Variants in ADAMTS6 observed in about 807,000 individuals in gnomAD.
ADAMTS6 encodes the protein ADAM metallopeptidase with thrombospondin type 1 motif 6, also known as A disintegrin and metalloproteinase with thrombospondin motifs 6.
Under a neutral mutation model 144.3 loss-of-function variants are expected in ADAMTS6, and 23 were observed. The observed-to-expected ratio is 0.16, with a 90% CI of 0.11 to 0.23. ADAMTS6 has a LOEUF of 0.23. Among genes scored for constraint, ADAMTS6 ranks in the 10% least tolerant of loss-of-function variants. The pLI is 1.00. For missense variants in ADAMTS6, 999 were observed against 1,379.6 expected, an observed-to-expected ratio of 0.72 and a Z score of 4.37; for synonymous variants, 444 against 457.5, an observed-to-expected ratio of 0.97 and a Z score of 0.38.
At chr5:65,389,569 CT>C (rs1752745622) in intron 7 of ADAMTS6, among the ~76,000 whole-genome samples, 1 of 151,412 alleles carries the variant, frequency 6.6e-6, no homozygotes. Context: ...ATATTTTTTT[CT>C]TTACAAGGAG....
At chr5:65,184,238 T>C (rs745348618) in intron 22 of ADAMTS6, among the ~76,000 whole-genome samples, 1 of 152,234 alleles carries the variant, frequency 6.6e-6, no homozygotes, top group Non-Finnish European at 1.5e-5. Flanking sequence ...AAAAAGTATT[T>C]GAAACCAACC....
Position 65,368,019 on chromosome 5 carries a change from T to TA in ADAMTS6, c.1074-33935dup, listed in dbSNP as rs560033728. ...TTTATTTCACAAAGTAATCAAAGGCTAAAAGTCTACTGTCACTAAGGTCAC... is the reference window on the plus strand; with the variant it reads ...TTTATTTCACAAAGTAATCAAAGGCTAAAAAGTCTACTGTCACTAAGGTCAC... On this transcript the variant is annotated intron_variant, in intron 7 of 24. Transcript: ENST00000381055. Among the ~76,000 whole-genome samples the TA allele has an allele frequency of 1.1e-4, 16 of 152,214 alleles. No homozygotes were observed. The South Asian group carries it at 3.1e-3, about 30-fold the overall frequency.
intron 15 of ADAMTS6, among the ~76,000 whole-genome samples, chr5:65,231,940 T>C (rs1373247445): frequency 1.3e-5 from 2 of 151,858 alleles, no homozygotes; most frequent in African/African-American, 4.8e-5. Context: ...TGAAACCTAG[T>C]CTCTACTAAA....
At chr5:65,321,708 C>CTTTTTTT (rs529236363) in intron 9 of ADAMTS6, among the ~76,000 whole-genome samples, 137 of 78,882 alleles carry the variant, frequency 1.7e-3, no homozygotes, top group East Asian at 3.1e-3. Flanking sequence ...TTTTCTTTTC[C>CTTTTTTT]TTTTTTTTTT....
intron 7 of ADAMTS6, among the ~76,000 whole-genome samples, chr5:65,384,627 T>C (rs11950228): frequency 0.11 from 16,546 of 152,218 alleles, 1,022 homozygotes; most frequent in Middle Eastern, 0.14. Context: ...TCTAAGAAGA[T>C]TGAGGCTTTT....
chr5:65,214,401 A>AGC lies in ADAMTS6; in HGVS notation c.2575+391_2575+392dup, dbSNP rs1756751960. On this transcript the variant is annotated intron_variant, in intron 20 of 24. Transcript: ENST00000381055. This position sits in a 1 kb window ranked among gnomAD's most constrained non-coding sequence, Gnocchi z 4.6. The stretch of plus-strand genomic sequence containing the variant: ...ACACAAACACACACAACAAGCACAC[A>AGC]GCCGTACATTCTCATCTCCCATTAC... 1 of 346,732 alleles carries AGC rather than the reference A, an allele frequency of 2.9e-6. No individual in the cohort carries two copies. The highest frequency in any genetic ancestry group is 4.1e-5 in the Admixed American group (1 of 24,160). The allele number at this position is 346,732 out of a possible 1,614,324, so 21.5% of individuals were successfully genotyped here. A position where few individuals can be genotyped will look rare whatever the true frequency, so the allele number is the denominator to read the frequency against.
chr5:65,259,455 T>C (rs1217688445), intron 14 of ADAMTS6, among the ~76,000 whole-genome samples: 1 of 152,098 alleles, frequency 6.6e-6, no homozygotes, highest in Non-Finnish European at 1.5e-5. Context: ...TAAGCATTAA[T>C]GTAAAAGAAC....
chr5:65,477,678 A>T (rs1358453203), intron 1 of ADAMTS6, among the ~76,000 whole-genome samples: 1 of 152,218 alleles, frequency 6.6e-6, no homozygotes, highest in Non-Finnish European at 1.5e-5. Context: ...TAAACAAACC[A>T]GTTATAGTCT....
At chr5:65,242,353 C>T (rs554839480) in intron 14 of ADAMTS6, 147 bp from the exon 15 acceptor site, 2 of 510,416 alleles carry the variant, frequency 3.9e-6, no homozygotes, top group East Asian at 3.0e-5. Flanking sequence ...TTTTACAATC[C>T]GTATTCAGAT....
chr5:65,387,991 A>AC (rs1426453917), intron 7 of ADAMTS6, among the ~76,000 whole-genome samples: 2 of 151,716 alleles, frequency 1.3e-5, no homozygotes, highest in African/African-American at 4.8e-5. Context: ...CGGGCCTATC[A>AC]CCTGAGGTCA....
intron 11 of ADAMTS6, among the ~76,000 whole-genome samples, chr5:65,277,255 T>C (rs1449030754): frequency 3.9e-5 from 6 of 152,236 alleles, no homozygotes; most frequent in Non-Finnish European, 8.8e-5. Context: ...GAATCTGCTA[T>C]GCACCAGGCA....
At chr5:65,422,948 A>T (rs1432158414) in intron 7 of ADAMTS6, among the ~76,000 whole-genome samples, 1 of 152,220 alleles carries the variant, frequency 6.6e-6, no homozygotes, top group Non-Finnish European at 1.5e-5. Context: ...CGATATATAC[A>T]CATACACACA....
In ADAMTS6 at chr5:65,405,089, G is replaced by C. The variant is rs534474266; in HGVS notation, c.1073+46386C>G. ...GATTGCAAAAATTTTCTCCCATTCT[G>C]TAGGCTGCCTGTTCACTCTGATGGT... On this transcript the variant is annotated intron_variant, in intron 7 of 24. Coordinates refer to ENST00000381055, the MANE Select transcript of ADAMTS6 (RefSeq NM_197941.4). 2.6e-5 allele frequency among the ~76,000 whole-genome samples: 4 copies of C among 152,208 alleles called. No homozygotes were observed. The South Asian group carries it at 8.3e-4, about 32-fold the overall frequency.
At chr5:65,312,699 G>A (rs1012483143) in intron 9 of ADAMTS6, among the ~76,000 whole-genome samples, 6 of 151,936 alleles carry the variant, frequency 3.9e-5, no homozygotes, top group Non-Finnish European at 8.8e-5. Context: ...CTTCTGAGTT[G>A]AAGGTTAAGT....
intron 7 of ADAMTS6, among the ~76,000 whole-genome samples, chr5:65,429,534 A>T (rs2150213316): frequency 6.6e-6 from 1 of 152,180 alleles, no homozygotes; most frequent in Admixed American, 6.5e-5. Context: ...AATTTTAAAA[A>T]TATATTAAAC....
At chr5:65,329,645 A>T (rs1448538922) in intron 8 of ADAMTS6, among the ~76,000 whole-genome samples, 162 bp from the exon 9 acceptor site, 1 of 152,134 alleles carries the variant, frequency 6.6e-6, no homozygotes, top group African/African-American at 2.4e-5. Context: ...ACTGGGGGGA[A>T]TTTCACTTTG....
At chr5:65,316,943 A>G (rs991194851) in intron 9 of ADAMTS6, among the ~76,000 whole-genome samples, 3 of 151,998 alleles carry the variant, frequency 2.0e-5, no homozygotes, top group Non-Finnish European at 2.9e-5. Context: ...CTGAGACTAC[A>G]AGCGTGCGCC....
intron 7 of ADAMTS6, among the ~76,000 whole-genome samples, chr5:65,395,049 T>C (rs1290689896): frequency 2.0e-5 from 3 of 152,066 alleles, no homozygotes; most frequent in Non-Finnish European, 4.4e-5. Context: ...TTCAAGCAAG[T>C]AGAAGACTAG....
chr5:65,432,722 G>A (rs1757090297), intron 7 of ADAMTS6, among the ~76,000 whole-genome samples: 1 of 151,948 alleles, frequency 6.6e-6, no homozygotes, highest in Non-Finnish European at 1.5e-5. Flanking sequence ...CTATAACTTT[G>A]TTTGCTTGTT....
Sources: gnomAD v4.1 joint callset for allele counts (sites outside exome capture counted in the v4.1 genomes callset) on GRCh38, gnomAD v4.1.1 for gene constraint, Gnocchi (gnomAD v3.1) non-coding constraint, MANE v1.5 for transcripts, NCBI Gene and HGNC (gene_info 2026-07-23, HGNC 2026-07-21) for gene names.